The following CALN1 variants were observed in gnomAD, a reference collection of about 807,000 sequenced individuals.
CALN1 encodes calneuron 1.
In CALN1, 17 loss-of-function variants were observed where a neutral mutation model predicts 30.6. The observed-to-expected ratio is 0.56, with a 90% CI of 0.38 to 0.83. CALN1 has a LOEUF of 0.83. Ranked by LOEUF, CALN1 falls within the 40% of genes least tolerant of loss-of-function variation. The pLI, the probability that CALN1 is intolerant of heterozygous loss-of-function variation, is 0.00. For synonymous variants in CALN1, 156 were observed against 131.4 expected, an observed-to-expected ratio of 1.19 and a Z score of -1.28; for missense variants, 291 against 354.9, an observed-to-expected ratio of 0.82 and a Z score of 1.45.
chr7:72,378,649 C>CATTA (rs1220556881), intron 2 of CALN1, among the ~76,000 whole-genome samples: 1 of 151,588 alleles, frequency 6.6e-6, no homozygotes, highest in African/African-American at 2.4e-5. Flanking sequence ...TTAGAATCTC[C>CATTA]ATTAGGTAAT....
At chr7:71,941,798 G>A (rs1245821174) in intron 5 of CALN1, among the ~76,000 whole-genome samples, 1 of 152,124 alleles carries the variant, frequency 6.6e-6, no homozygotes, top group East Asian at 1.9e-4. Flanking sequence ...ATATATTCTA[G>A]AGAAATTCAC....
At chr7:72,213,182 TA>T (rs1312568074) in intron 3 of CALN1, among the ~76,000 whole-genome samples, 15 of 152,348 alleles carry the variant, frequency 9.8e-5, no homozygotes, top group Admixed American at 5.9e-4. Context: ...TTGCGTGTCC[TA>T]ATTAAAAACA....
intron 4 of CALN1, among the ~76,000 whole-genome samples, chr7:72,067,464 G>A (rs1209042054): frequency 6.6e-6 from 1 of 151,854 alleles, no homozygotes; most frequent in Non-Finnish European, 1.5e-5. Context: ...TGCCCAGGCT[G>A]GTCTCAAACT....
chr7:72,130,693 A>C (rs964425761), intron 3 of CALN1, among the ~76,000 whole-genome samples: 3 of 152,142 alleles, frequency 2.0e-5, no homozygotes, highest in Non-Finnish European at 4.4e-5. Flanking sequence ...TATGAGGGAC[A>C]CTTTCAGTAT....
chr7:72,262,457 T>A (rs1796329764), intron 3 of CALN1, among the ~76,000 whole-genome samples: 1 of 152,178 alleles, frequency 6.6e-6, no homozygotes. Flanking sequence ...ACCCAAACAG[T>A]TAACACAGTA....
At chr7:71,969,999 A>G (rs1052280562) in intron 5 of CALN1, among the ~76,000 whole-genome samples, 4 of 151,804 alleles carry the variant, frequency 2.6e-5, no homozygotes, top group African/African-American at 9.7e-5. Context: ...TAATTTTTTG[A>G]TTTTTGGTAG....
intron 5 of CALN1, among the ~76,000 whole-genome samples, chr7:71,986,756 C>T (rs1171741293): frequency 6.6e-6 from 1 of 152,176 alleles, no homozygotes; most frequent in Non-Finnish European, 1.5e-5. Context: ...TTGTTCAGTA[C>T]AGGTGATTTG....
chr7:72,298,369 A>G (rs550756085), intron 2 of CALN1, among the ~76,000 whole-genome samples: 12 of 151,234 alleles, frequency 7.9e-5, no homozygotes, highest in Non-Finnish European at 1.2e-4. Context: ...GAGAGTCAAT[A>G]GAGATCTACA....
chr7:71,837,243 C>CAAAAAAAAAAGAAA (rs1789669941), intron 5 of CALN1, among the ~76,000 whole-genome samples: 1 of 79,124 alleles, frequency 1.3e-5, no homozygotes, highest in Non-Finnish European at 2.2e-5. Flanking sequence ...AAAAAAAAGA[C>CAAAAAAAAAAGAAA]AAAAAAAAAA....
intron 2 of CALN1, among the ~76,000 whole-genome samples, chr7:72,313,463 C>G (rs2129556588): frequency 6.6e-6 from 1 of 152,276 alleles, no homozygotes; most frequent in Admixed American, 6.5e-5. Flanking sequence ...ACAATCTCAG[C>G]TCACCGCAAC....
intron 2 of CALN1, among the ~76,000 whole-genome samples, chr7:72,284,965 G>A (rs1002565339): frequency 6.6e-6 from 1 of 151,974 alleles, no homozygotes; most frequent in Admixed American, 6.6e-5. Flanking sequence ...AAGGACCCAG[G>A]CACATTGCAG....
intron 4 of CALN1, among the ~76,000 whole-genome samples, chr7:72,072,144 G>A (rs1040135038): frequency 6.6e-6 from 1 of 152,140 alleles, no homozygotes; most frequent in East Asian, 1.9e-4. Flanking sequence ...TCTGATGAAA[G>A]ATATTAATAT....
intron 3 of CALN1, among the ~76,000 whole-genome samples, chr7:72,123,166 A>G (rs1808508278): frequency 6.6e-6 from 1 of 152,014 alleles, no homozygotes; most frequent in Admixed American, 6.6e-5. Context: ...CTCCTAATTC[A>G]CTCATTTTGT....
rs1447969762 is a variant in CALN1, at chr7:72,054,448, CATATATATACAT to C, written c.389-30691_389-30680del. ...ATATATACACGTATATATATATATA[CATATATATACAT>C]ATATATACATATATACATACATATA... is the stretch of plus-strand genomic sequence containing the variant. On this transcript the variant is annotated intron_variant, in intron 4 of 6. Coordinates refer to ENST00000395275, the MANE Select transcript of CALN1 (RefSeq NM_031468.4). 2.4e-4 allele frequency among the ~76,000 whole-genome samples: 25 copies of C among 102,246 alleles called. 1 individual carries two copies. Among genetic ancestry groups the C allele is most frequent in the African/African-American group, 8.7e-4 (21 of 24,108 alleles). The allele number at this position is 102,246 out of a possible 152,430, so 67.1% of individuals were successfully genotyped here.
intron 5 of CALN1, among the ~76,000 whole-genome samples, chr7:71,993,053 T>C (rs371871937): frequency 6.6e-6 from 1 of 152,100 alleles, no homozygotes; most frequent in East Asian, 1.9e-4. Flanking sequence ...AGGCTTTTTT[T>C]TGCTACCACC....
chr7:72,007,275 G>T (rs1469661024), intron 5 of CALN1, among the ~76,000 whole-genome samples: 1 of 152,242 alleles, frequency 6.6e-6, no homozygotes, highest in Non-Finnish European at 1.5e-5. Context: ...TCCAGGTGAA[G>T]TGGCTTGCGC....
intron 3 of CALN1, among the ~76,000 whole-genome samples, chr7:72,255,449 T>G (rs1169626950): frequency 7.3e-6 from 1 of 137,236 alleles, no homozygotes; most frequent in South Asian, 2.4e-4. Flanking sequence ...GAATCTCGCT[T>G]TGTCACCCAG....
intron 3 of CALN1, among the ~76,000 whole-genome samples, chr7:72,178,560 G>A (rs1391973217): frequency 3.9e-5 from 6 of 151,944 alleles, no homozygotes; most frequent in South Asian, 2.1e-4. Flanking sequence ...GTGGTGGCAC[G>A]CACCTGTAAT....
chr7:72,079,786 T>C (rs1056777720), intron 4 of CALN1, among the ~76,000 whole-genome samples: 1 of 107,776 alleles, frequency 9.3e-6, no homozygotes, highest in Non-Finnish European at 1.9e-5. Flanking sequence ...TTTTTTTTTT[T>C]TGGAGACAAG....
Sources: gnomAD v4.1 joint callset for allele counts (sites outside exome capture counted in the v4.1 genomes callset) on GRCh38, gnomAD v4.1.1 for gene constraint, MANE v1.5 for transcripts, NCBI Gene and HGNC (gene_info 2026-07-23, HGNC 2026-07-21) for gene names.